METAP1: variants seen among roughly 807,000 people sequenced by gnomAD.
METAP1 encodes methionine aminopeptidase 1.
METAP1 carries 28 observed loss-of-function variants against 53.8 expected under a neutral mutation model. The observed-to-expected ratio is 0.52, with a 90% CI of 0.39 to 0.71. The LOEUF is 0.71. Among genes scored for constraint, METAP1 ranks in the 30% least tolerant of loss-of-function variants. The probability of loss-of-function intolerance (pLI) is 0.00; values close to 1 mark genes in which losing one functional copy is unlikely to be tolerated. For synonymous variants in METAP1, 181 were observed against 165.7 expected, an observed-to-expected ratio of 1.09 and a Z score of -0.71; for missense variants, 389 against 479.8, an observed-to-expected ratio of 0.81 and a Z score of 1.77.
At chr4:99,039,069 T>C (rs1306152137) in intron 4 of METAP1, 2 of 194,686 alleles carry the variant, frequency 1.0e-5, no homozygotes, top group East Asian at 2.3e-4. Context: ...TTCAAATGTA[T>C]ATCATTTACT....
chr4:99,061,442 TA>T lies in METAP1; in HGVS notation c.*126del. On this transcript the variant is annotated 3_prime_UTR_variant, in exon 11 of 11. Coordinates refer to ENST00000296411, the MANE Select transcript of METAP1 (RefSeq NM_015143.3). ...GTTTTGACTATAGATAAGAAAGGAC[TA>T]CAGCATTTGATGTGTGTCCTCAAGA... 3.4e-6 allele frequency: 3 copies of T among 879,990 alleles called. No homozygotes were observed. The South Asian group carries it at 6.0e-5, about 18-fold the overall frequency. 54.5% of individuals were successfully genotyped at this position (879,990 alleles called of 1,614,324 possible). A position where few individuals can be genotyped will look rare whatever the true frequency, so the allele number is the denominator to read the frequency against.
intron 7 of METAP1, 60 bp downstream of exon 7, chr4:99,043,447 C>G (rs1448060223): frequency 6.7e-7 from 1 of 1,499,854 alleles, no homozygotes; most frequent in East Asian, 2.4e-5. Flanking sequence ...CTTGGGGAAT[C>G]TGACAGTGAC....
chr4:98,999,893 C>A (rs12508113), intron 1 of METAP1, among the ~76,000 whole-genome samples: 11,909 of 152,040 alleles, frequency 0.078, 1,189 homozygotes, highest in East Asian at 0.57. Flanking sequence ...TCCAAGAGTT[C>A]TTGATGTTCG....
chr4:99,005,063 A>G (rs1420707436), intron 1 of METAP1, among the ~76,000 whole-genome samples: 4 of 152,150 alleles, frequency 2.6e-5, no homozygotes, highest in Admixed American at 1.3e-4. Flanking sequence ...GGGTCATAGG[A>G]TATGTGTTTA....
chr4:99,004,446 T>TACACAC (rs1189663861), intron 1 of METAP1, among the ~76,000 whole-genome samples: 15 of 80,112 alleles, frequency 1.9e-4, no homozygotes, highest in Non-Finnish European at 4.1e-4. Flanking sequence ...TGTGGACAGA[T>TACACAC]ACACACACAC....
rs776965099 is a variant in METAP1, at chr4:99,039,475, A to AT, written c.432+16dup. On this transcript the variant is annotated intron_variant, in intron 5 of 10. Coordinates refer to ENST00000296411, the MANE Select transcript of METAP1 (RefSeq NM_015143.3). ...GCGACTTGTATGTAGGGTAAGAGTG[A>AT]TTTTTTCTCCATGGGGTAGGAAATG... The AT allele has an allele frequency of 2.0e-5, 30 of 1,530,314 alleles. No individual in the cohort carries two copies. The highest frequency in any genetic ancestry group is 6.9e-5 in the South Asian group (6 of 87,214). The allele number at this position is 1,530,314 out of a possible 1,614,324, so 94.8% of individuals were successfully genotyped here. A position where few individuals can be genotyped will look rare whatever the true frequency, so the allele number is the denominator to read the frequency against.
chr4:99,031,661 T>C, intron 2 of METAP1: 3 of 1,062,452 alleles, frequency 2.8e-6, no homozygotes, highest in Non-Finnish European at 3.8e-6. Context: ...GTACCATGCA[T>C]AGTAAGTACT....
At chr4:99,009,108 A>C (rs951731856) in intron 1 of METAP1, among the ~76,000 whole-genome samples, 2 of 152,222 alleles carry the variant, frequency 1.3e-5, no homozygotes, top group Non-Finnish European at 2.9e-5. Context: ...TAGACATTTC[A>C]TATAAGTCAG....
intron 1 of METAP1, among the ~76,000 whole-genome samples, chr4:99,007,739 G>C (rs1579242545): frequency 6.6e-6 from 1 of 152,096 alleles, no homozygotes; most frequent in African/African-American, 2.4e-5. Flanking sequence ...TGTTCAAATT[G>C]TCTCAAATTT....
chr4:99,057,779 T>G lies in METAP1; in HGVS notation c.958T>G (p.Ser320Ala), dbSNP rs199849816. The change falls in exon 10 of 11, where the codon TCG becomes GCG. Residue 320 changes from serine (S) to alanine (A), a missense_variant. Ser to Ala is a moderately conservative substitution (Grantham distance 99). Transcript: ENST00000296411. ...AKNKAVGVMK[S>A]GHVFTIEPMI... is the part of the protein sequence containing the mutation. ...AAATAAAGCAGTTGGAGTGATGAAG[T>G]CGGGCCATGTATTTACAATTGAGCC... 1.3e-6 allele frequency: 2 copies of G among 1,595,660 alleles called. No individual in the cohort carries two copies. Among genetic ancestry groups the G allele is most frequent in the Non-Finnish European group, 1.7e-6 (2 of 1,170,528 alleles).
chr4:99,018,693 C>T (rs12374261), intron 1 of METAP1, among the ~76,000 whole-genome samples: 72,582 of 151,950 alleles, frequency 0.48, 18,689 homozygotes, highest in South Asian at 0.67. Context: ...TCATTTATAG[C>T]TCTGAGATCT....
chr4:99,015,523 T>G (rs1723708659), intron 1 of METAP1, among the ~76,000 whole-genome samples: 1 of 152,182 alleles, frequency 6.6e-6, no homozygotes, highest in African/African-American at 2.4e-5. Context: ...AAATAAAGAT[T>G]AGGCCTAAGC....
At chr4:99,055,898 G>A (rs1447543182) in intron 9 of METAP1, among the ~76,000 whole-genome samples, 1 of 152,182 alleles carries the variant, frequency 6.6e-6, no homozygotes, top group Non-Finnish European at 1.5e-5. Context: ...GAAAGTTTAT[G>A]AATTTAGAAA....
intron 4 of METAP1, among the ~76,000 whole-genome samples, chr4:99,037,453 A>G (rs1224233258): frequency 2.0e-5 from 3 of 151,962 alleles, no homozygotes; most frequent in Non-Finnish European, 4.4e-5. Context: ...TGTATGATAA[A>G]AATCATTTGT....
At chr4:99,018,440 A>G (rs1412396511) in intron 1 of METAP1, among the ~76,000 whole-genome samples, 3 of 152,228 alleles carry the variant, frequency 2.0e-5, no homozygotes, top group African/African-American at 7.2e-5. Context: ...TATCTAGAGC[A>G]TGAGTAAAAA....
At chr4:99,026,680 C>T (rs1724590665) in intron 1 of METAP1, 1 of 985,170 alleles carries the variant, frequency 1.0e-6, no homozygotes, top group African/African-American at 1.7e-5. Flanking sequence ...TTTGAGTATT[C>T]CTCTTCTACT....
In METAP1 at chr4:99,048,726, C is replaced by T. The variant is rs1213519231; in HGVS notation, c.788-7C>T. The T allele has an allele frequency of 1.2e-6, 2 of 1,608,714 alleles. No homozygotes were observed. The highest frequency in any genetic ancestry group is 1.3e-5 in the African/African-American group (1 of 74,500). ...AGTTTATCATGAATTTTCTTTTTTCCTTTCAGTGAAGCCTGGTGTTCGGTA... is the reference window on the plus strand; with the variant it reads ...AGTTTATCATGAATTTTCTTTTTTCTTTTCAGTGAAGCCTGGTGTTCGGTA... On this transcript the variant is annotated splice_region_variant and splice_polypyrimidine_tract_variant and intron_variant, in intron 8 of 10. Coordinates refer to ENST00000296411, the MANE Select transcript of METAP1 (RefSeq NM_015143.3).
chr4:99,061,323 C>G lies in METAP1; in HGVS notation c.*6C>G. 1 of 1,610,706 alleles carries G rather than the reference C, an allele frequency of 6.2e-7. No homozygotes were observed. The highest frequency in any genetic ancestry group is 8.5e-7 in the Non-Finnish European group (1 of 1,177,912). ...ACTTCATGTCTCAATTTTAATTTCT[C>G]CCAAGATGGCACATCTCAGTACCTT... is the stretch of plus-strand genomic sequence containing the variant. On this transcript the variant is annotated 3_prime_UTR_variant, in exon 11 of 11. Transcript: ENST00000296411.
intron 1 of METAP1, among the ~76,000 whole-genome samples, chr4:98,998,328 G>T (rs1722736462): frequency 6.6e-6 from 1 of 152,128 alleles, no homozygotes; most frequent in Non-Finnish European, 1.5e-5. Context: ...TTTGAGACCA[G>T]ACTGGGCAAC....
Sources: allele counts gnomAD v4.1 joint callset (sites outside exome capture counted in the v4.1 genomes callset), GRCh38; gene constraint gnomAD v4.1.1; transcripts MANE v1.5; gene names NCBI Gene and HGNC (gene_info 2026-07-23, HGNC 2026-07-21).